The following HNRNPA3 variants were observed in gnomAD, a reference collection of about 807,000 sequenced individuals.
The protein encoded by HNRNPA3 is epididymis secretory sperm binding protein.
Under a neutral mutation model 45.8 loss-of-function variants are expected in HNRNPA3, and 3 were observed. That is an observed-to-expected ratio of 0.07 (90% CI 0.03 to 0.17). The LOEUF is 0.17. Ranked by LOEUF, HNRNPA3 falls within the 10% of genes least tolerant of loss-of-function variation. The probability of loss-of-function intolerance (pLI) is 1.00; values close to 1 mark genes in which losing one functional copy is unlikely to be tolerated. For synonymous variants in HNRNPA3, 170 were observed against 155.6 expected (o/e 1.09, Z -0.69); for missense variants, 183 against 480.3 (o/e 0.38, Z 5.79).
rs1192033484 is a variant in HNRNPA3 at position 177,219,256 on chromosome 2, G to C, written c.1094G>C (p.Gly365Ala). Residue 365 changes from glycine (G) to alanine (A), a missense_variant, in exon 10 of 11, where the codon GGA (glycine) becomes GCA (alanine). Transcript: ENST00000392524. Reference sequence around the variant, plus strand: ...CTATGTATATTTTCAGGTGGTTATGGATCTGGTGGTGGAAGTGGTGGATAT... The same window carrying C: ...CTATGTATATTTTCAGGTGGTTATGCATCTGGTGGTGGAAGTGGTGGATAT... 2.5e-6 allele frequency: 4 copies of C among 1,613,612 alleles called. No homozygotes were observed. The highest frequency in any genetic ancestry group is 3.4e-6 in the Non-Finnish European group (4 of 1,179,856).
chr2:177,218,993 A>C (rs1276488248), intron 8 of HNRNPA3, 44 bp from the exon 9 acceptor site: 4 of 1,602,746 alleles, frequency 2.5e-6, no homozygotes, highest in Non-Finnish European at 3.4e-6. Flanking sequence ...GGGGAAAATG[A>C]TGATTGTGTA....
chr2:177,216,359 A>ACGGAGCTTGCAGTGAGCCGAGATTGCGCC (rs1558969388), intron 4 of HNRNPA3, 144 bp from the exon 5 acceptor site: 1 of 732,614 alleles, frequency 1.4e-6, no homozygotes, highest in African/African-American at 1.8e-5. Context: ...AAATAAACAT[A>ACGGAGCTTGCAGTGAGCCGAGATTGCGCC]AACATCTCAG....
At chr2:177,223,861 GTTGTT>G (rs570741399), downstream of HNRNPA3, 3 of 152,094 alleles carry the variant, frequency 2.0e-5, no homozygotes, top group African/African-American at 7.2e-5. Context: ...AAATGTGTGT[GTTGTT>G]TTGTCACTTC....
At chr2:177,215,944 TG>T (rs1412184187) in intron 3 of HNRNPA3, 33 bp from the exon 4 acceptor site, 1 of 1,596,508 alleles carries the variant, frequency 6.3e-7, no homozygotes, top group African/African-American at 1.4e-5. Context: ...TGTGAAAGTT[TG>T]TTTCTTGACT....
At chr2:177,217,350 T>C (rs1292732063) in intron 7 of HNRNPA3, among the ~76,000 whole-genome samples, 1 of 152,232 alleles carries the variant, frequency 6.6e-6, no homozygotes, top group Non-Finnish European at 1.5e-5. Flanking sequence ...TGCCAGTGGC[T>C]TAAATGTAAT....
At chr2:177,221,289 G>A (rs553273008), downstream of HNRNPA3, 4 of 152,654 alleles carry the variant, frequency 2.6e-5, no homozygotes, top group Admixed American at 2.6e-4. Flanking sequence ...TGGGTACCTG[G>A]TCAAAATAAT....
chr2:177,216,749 T>C (rs946459818), exon 6 of HNRNPA3: 3 of 1,614,068 alleles, frequency 1.9e-6, no homozygotes, highest in Non-Finnish European at 2.5e-6. Context: ...ATTTTGGCCG[T>C]GGTGGAAACT....
At chr2:177,223,498 C>T (rs1285501392), downstream of HNRNPA3, 1 of 151,970 alleles carries the variant, frequency 6.6e-6, no homozygotes, top group East Asian at 1.9e-4. Flanking sequence ...TTCTAAAAAG[C>T]TGAATTTATA....
chr2:177,218,128 C>A (rs962785622), intron 8 of HNRNPA3, among the ~76,000 whole-genome samples: 2 of 136,246 alleles, frequency 1.5e-5, no homozygotes, highest in Middle Eastern at 4.5e-3. Flanking sequence ...GTGGCGTGAT[C>A]TCAGCTCATT....
intron 1 of HNRNPA3, among the ~76,000 whole-genome samples, chr2:177,214,688 G>C (rs1377871417): frequency 6.6e-6 from 1 of 152,176 alleles, no homozygotes; most frequent in African/African-American, 2.4e-5. Context: ...CCAGCTACTC[G>C]GGAGGCTGAG....
At chr2:177,217,485 G>A (rs897317664) in intron 7 of HNRNPA3, among the ~76,000 whole-genome samples, 2 of 152,106 alleles carry the variant, frequency 1.3e-5, no homozygotes, top group South Asian at 2.1e-4. Context: ...AATAAAATAG[G>A]GGAACATGGT....
intron 8 of HNRNPA3, 71 bp downstream of exon 8, chr2:177,217,916 G>T: frequency 1.4e-6 from 2 of 1,388,246 alleles, no homozygotes; most frequent in Non-Finnish European, 1.9e-6. Context: ...ACACATATTT[G>T]GAAAGTGTTA....
At position 177,216,202 on chromosome 2, in the gene HNRNPA3, T is replaced by G. The variant is rs1470988898; in HGVS notation, c.553+14T>G. 2 of 1,493,586 alleles carry G rather than the reference T, an allele frequency of 1.3e-6. No homozygotes were observed. Among genetic ancestry groups the G allele is most frequent in the Admixed American group, 3.5e-5 (2 of 56,552 alleles). 92.5% of individuals were successfully genotyped at this position (1,493,586 alleles called of 1,614,324 possible). A position where few individuals can be genotyped will look rare whatever the true frequency, so the allele number is the denominator to read the frequency against. Reference sequence around the variant, plus strand: ...ATAAAATTGTTGGTAAGTAGCAATTTATGGTAACTTGAATGAGAAAGTAGA... The same window carrying G: ...ATAAAATTGTTGGTAAGTAGCAATTGATGGTAACTTGAATGAGAAAGTAGA... On this transcript the variant is annotated intron_variant, in intron 4 of 10. Transcript: ENST00000392524.
At chr2:177,213,047 C>T (rs1327489970) in intron 1 of HNRNPA3, among the ~76,000 whole-genome samples, 176 bp downstream of exon 1, 2 of 152,150 alleles carry the variant, frequency 1.3e-5, no homozygotes, top group African/African-American at 2.4e-5. Flanking sequence ...CCTCGCCCGC[C>T]TCGCCTTCAC....
chr2:177,214,700 C>CTT (rs1558968196), intron 1 of HNRNPA3, among the ~76,000 whole-genome samples: 12 of 152,186 alleles, frequency 7.9e-5, no homozygotes, highest in Non-Finnish European at 1.0e-4. Flanking sequence ...GAGGCTGAGG[C>CTT]AGGAAAATGG....
chr2:177,222,163 A>G (rs1689206669), downstream of HNRNPA3: 1 of 152,658 alleles, frequency 6.6e-6, no homozygotes, highest in African/African-American at 2.4e-5. Context: ...GTAAAACCTG[A>G]TGACACCATT....
At chr2:177,216,989 T>C in intron 7 of HNRNPA3, 49 bp downstream of exon 7, 2 of 1,399,674 alleles carry the variant, frequency 1.4e-6, no homozygotes, top group Non-Finnish European at 1.9e-6. Context: ...TTTCTTTACT[T>C]ATTGAAAATT....
downstream of HNRNPA3, chr2:177,223,853 ATGTG>A (rs933027729): frequency 1.3e-5 from 2 of 152,194 alleles, no homozygotes; most frequent in African/African-American, 4.8e-5. Context: ...ATTTTTAGAA[ATGTG>A]TGTGTTGTTT....
chr2:177,215,590 C>G (rs1688899104), exon 2 of HNRNPA3: 1 of 1,613,564 alleles, frequency 6.2e-7, no homozygotes, highest in South Asian at 1.1e-5. Flanking sequence ...TATTGGTGGT[C>G]TGAGCTTTGA....
Sources: gnomAD v4.1 joint callset for allele counts (sites outside exome capture counted in the v4.1 genomes callset) on GRCh38, gnomAD v4.1.1 for gene constraint, MANE v1.5 for transcripts, NCBI Gene and HGNC (gene_info 2026-07-23, HGNC 2026-07-21) for gene names.